The following NDST4 variants were observed in gnomAD, a reference collection of about 807,000 sequenced individuals.
NDST4 encodes the protein N-heparan sulfate sulfotransferase 4.
Under a neutral mutation model 100.8 loss-of-function variants are expected in NDST4, and 63 were observed. The observed-to-expected ratio is 0.62, with a 90% CI of 0.51 to 0.77. NDST4 has a LOEUF of 0.77. NDST4 is among the 30% of genes least tolerant of loss of function. NDST4 has a pLI of 0.00. For missense variants in NDST4, 943 were observed against 1,018.4 expected (o/e 0.93, Z 1.01); for synonymous variants, 377 against 361.8 (o/e 1.04, Z -0.48).
intron 2 of NDST4, among the ~76,000 whole-genome samples, chr4:114,988,975 T>A (rs1229037557): frequency 6.6e-6 from 1 of 152,220 alleles, no homozygotes; most frequent in African/African-American, 2.4e-5. Context: ...ATAAATCTTT[T>A]TCTTGTGGAA....
At chr4:114,965,167 A>T (rs180972289) in intron 4 of NDST4, among the ~76,000 whole-genome samples, 70 of 152,210 alleles carry the variant, frequency 4.6e-4, no homozygotes, top group South Asian at 3.3e-3. Flanking sequence ...ATAAGTTATT[A>T]TCAGTTTTTT....
At chr4:114,842,674 A>T in intron 10 of NDST4, 1 of 225,612 alleles carries the variant, frequency 4.4e-6, no homozygotes, top group Non-Finnish European at 8.4e-6. Flanking sequence ...GGTGGCACGC[A>T]CCTGTAGTCC....
At chr4:115,020,071 G>T (rs1019412217) in intron 2 of NDST4, among the ~76,000 whole-genome samples, 1 of 152,092 alleles carries the variant, frequency 6.6e-6, no homozygotes, top group Non-Finnish European at 1.5e-5. Flanking sequence ...ACGGATACAG[G>T]TTAGAAGAAT....
intron 6 of NDST4, among the ~76,000 whole-genome samples, chr4:114,912,443 T>G (rs1304000288): frequency 6.6e-6 from 1 of 152,158 alleles, no homozygotes; most frequent in Non-Finnish European, 1.5e-5. Flanking sequence ...ACATATTTGA[T>G]AGACACTGAG....
At chr4:114,882,994 A>G (rs1724402621) in intron 6 of NDST4, among the ~76,000 whole-genome samples, 1 of 152,042 alleles carries the variant, frequency 6.6e-6, no homozygotes, top group Non-Finnish European at 1.5e-5. Context: ...TCTATATCCA[A>G]CAAAGTTATC....
chr4:115,049,718 T>C (rs1251571569), intron 2 of NDST4, among the ~76,000 whole-genome samples: 1 of 152,012 alleles, frequency 6.6e-6, no homozygotes, highest in Non-Finnish European at 1.5e-5. Flanking sequence ...AATCAGAAAA[T>C]GAGACAATTT....
chr4:114,871,879 TA>T lies in NDST4; in HGVS notation c.1537-930del, dbSNP rs761829566. 1.1e-4 allele frequency among the ~76,000 whole-genome samples: 17 copies of T among 152,104 alleles called. No homozygotes were observed. The East Asian group carries it at 2.9e-3, about 26-fold the overall frequency. ...ATGTTTTATAACAACCCAAATATTATAATGAAATAATTTATTAACTTTATTA... is the reference window on the plus strand; with the variant it reads ...ATGTTTTATAACAACCCAAATATTATATGAAATAATTTATTAACTTTATTA... On this transcript the variant is annotated intron_variant, in intron 6 of 13. Coordinates refer to ENST00000264363, the MANE Select transcript of NDST4 (RefSeq NM_022569.3).
intron 2 of NDST4, among the ~76,000 whole-genome samples, chr4:115,012,014 T>G (rs7671346): frequency 1.6e-4 from 25 of 151,798 alleles, no homozygotes; most frequent in Non-Finnish European, 2.8e-4. Context: ...GTACGTGTGA[T>G]AGGAGTAAAG....
chr4:114,953,852 T>C (rs1726078109), intron 4 of NDST4, among the ~76,000 whole-genome samples: 2 of 152,188 alleles, frequency 1.3e-5, no homozygotes, highest in Non-Finnish European at 2.9e-5. Flanking sequence ...GATGAACAGA[T>C]ATTTCTATTA....
intron 6 of NDST4, among the ~76,000 whole-genome samples, chr4:114,918,358 C>T (rs999227846): frequency 8.0e-6 from 1 of 125,154 alleles, no homozygotes; most frequent in East Asian, 2.3e-4. Context: ...AATCAAACCA[C>T]AGGAAGAGGA....
At chr4:115,108,392 A>G (rs476739) in intron 1 of NDST4, among the ~76,000 whole-genome samples, 117,108 of 151,858 alleles carry the variant, frequency 0.77, 45,801 homozygotes, top group African/African-American at 0.89. Flanking sequence ...ATTCAGGAAT[A>G]GAATCAAGCC....
chr4:114,950,440 T>C (rs1419158776), intron 4 of NDST4, among the ~76,000 whole-genome samples: 1 of 152,082 alleles, frequency 6.6e-6, no homozygotes, highest in African/African-American at 2.4e-5. Flanking sequence ...TTTTATACTA[T>C]CTTCAGAACC....
intron 2 of NDST4, among the ~76,000 whole-genome samples, chr4:115,023,002 T>G (rs1170571433): frequency 1.3e-5 from 2 of 152,134 alleles, no homozygotes; most frequent in African/African-American, 4.8e-5. Flanking sequence ...ACGCCAAACA[T>G]TGTATGTTCT....
chr4:114,854,989 G>A (rs1294438985), intron 7 of NDST4, among the ~76,000 whole-genome samples: 1 of 152,080 alleles, frequency 6.6e-6, no homozygotes, highest in African/African-American at 2.4e-5. Flanking sequence ...GGGGTGAGAT[G>A]GCATCTCATT....
intron 2 of NDST4, among the ~76,000 whole-genome samples, chr4:114,981,764 T>G (rs983166529): frequency 6.6e-6 from 1 of 152,196 alleles, no homozygotes; most frequent in Non-Finnish European, 1.5e-5. Flanking sequence ...GTTGTTACTC[T>G]CAGGCTAACC....
chr4:114,862,074 C>T (rs1475864780), intron 7 of NDST4, among the ~76,000 whole-genome samples: 3 of 152,128 alleles, frequency 2.0e-5, no homozygotes, highest in Non-Finnish European at 4.4e-5. Context: ...TTTATTGCTA[C>T]AACCCAATAC....
chr4:114,940,045 C>CA (rs1327357652), intron 4 of NDST4, among the ~76,000 whole-genome samples: 2 of 152,032 alleles, frequency 1.3e-5, no homozygotes, highest in Non-Finnish European at 2.9e-5. Context: ...CAGAAGATCA[C>CA]AAAAATTACA....
chr4:115,065,064 T>C (rs934775344), intron 2 of NDST4, among the ~76,000 whole-genome samples: 7 of 152,268 alleles, frequency 4.6e-5, no homozygotes, highest in African/African-American at 1.4e-4. Context: ...ACAATAGTGA[T>C]GACATTGTAT....
intron 4 of NDST4, among the ~76,000 whole-genome samples, chr4:114,945,188 A>G (rs1434297349): frequency 7.0e-6 from 1 of 142,570 alleles, no homozygotes; most frequent in Non-Finnish European, 1.5e-5. Context: ...AGCCTGGACA[A>G]CTAGAATGAA....
Sources: gnomAD v4.1 joint callset for allele counts (sites outside exome capture counted in the v4.1 genomes callset) on GRCh38, gnomAD v4.1.1 for gene constraint, MANE v1.5 for transcripts, NCBI Gene and HGNC (gene_info 2026-07-23, HGNC 2026-07-21) for gene names.